C12orf42: variants seen among roughly 807,000 people sequenced by gnomAD.
C12orf42 encodes chromosome 12 open reading frame 42.
C12orf42 carries 25 observed loss-of-function variants against 21.6 expected under a neutral mutation model. That is an observed-to-expected ratio of 1.16 (90% CI 0.84 to 1.62). The LOEUF (loss-of-function observed/expected upper bound fraction) is 1.62, where lower values mean the gene tolerates loss of function less well. Ranked by LOEUF, C12orf42 falls within the 40% of genes most tolerant of loss-of-function variation. The probability of loss-of-function intolerance (pLI) is 0.00; values close to 1 mark genes in which losing one functional copy is unlikely to be tolerated. For missense variants in C12orf42, 483 were observed against 459.3 expected (o/e 1.05, Z -0.47); for synonymous variants, 174 against 175.0 (o/e 0.99, Z 0.05).
chr12:103,204,650 T>C, the C12orf42 span, among the ~76,000 whole-genome samples: 1 of 152,192 alleles, frequency 6.6e-6, no homozygotes, highest in Non-Finnish European at 1.5e-5. Flanking sequence ...CAAGATATCG[T>C]CTCATCACAC....
chr12:103,293,102 C>CT (rs140760329), intron 4 of C12orf42, among the ~76,000 whole-genome samples: 13,749 of 151,966 alleles, frequency 0.09, 613 homozygotes, highest in East Asian at 0.18. Flanking sequence ...AAAGAGATGC[C>CT]TTTTTTGACT....
chr12:103,080,426 T>C, the C12orf42 span, among the ~76,000 whole-genome samples: 1 of 152,202 alleles, frequency 6.6e-6, no homozygotes, highest in Non-Finnish European at 1.5e-5. Context: ...CATCAACTTC[T>C]GTTGCTTACA....
chr12:103,372,532 G>A (rs778179618), intron 3 of C12orf42, among the ~76,000 whole-genome samples: 5 of 152,138 alleles, frequency 3.3e-5, no homozygotes, highest in Non-Finnish European at 5.9e-5. Context: ...TGTTAGTTAT[G>A]AAGATTCTCT....
At chr12:103,438,802 G>T (rs1950955055) in intron 2 of C12orf42, among the ~76,000 whole-genome samples, 1 of 151,492 alleles carries the variant, frequency 6.6e-6, no homozygotes, top group Non-Finnish European at 1.5e-5. Context: ...TGGGTAGGAA[G>T]AATCAATATC....
intron 3 of C12orf42, among the ~76,000 whole-genome samples, chr12:103,397,130 A>T (rs2047602848): frequency 6.6e-6 from 1 of 152,218 alleles, no homozygotes; most frequent in Admixed American, 6.5e-5. Context: ...CTATAACTTG[A>T]TACTTTCATT....
At chr12:103,363,766 TA>T (rs2044331061) in intron 4 of C12orf42, among the ~76,000 whole-genome samples, 1 of 152,024 alleles carries the variant, frequency 6.6e-6, no homozygotes, top group African/African-American at 2.4e-5. Flanking sequence ...TATGTAATAA[TA>T]AAAGGTCTTA....
the C12orf42 span, among the ~76,000 whole-genome samples, chr12:103,119,256 AAGG>A: frequency 4.6e-5 from 7 of 152,342 alleles, no homozygotes; most frequent in South Asian, 1.4e-3. Context: ...CTGTTATTAA[AAGG>A]AGGTTAATAA....
At position 103,478,349 on chromosome 12, in the gene C12orf42, C is replaced by G. The variant is rs1277731755; in HGVS notation, c.78G>C (p.Gln26His). 6.3e-7 allele frequency: 1 copy of G among 1,591,490 alleles called. No individual in the cohort carries two copies. Among genetic ancestry groups the G allele is most frequent in the Non-Finnish European group, 8.6e-7 (1 of 1,163,710 alleles). The change falls in exon 2 of 6, where the codon CAG becomes CAC. Residue 26 changes from glutamine to histidine, a missense_variant and splice_region_variant. Transcript: ENST00000548883. ...LTIRPFANRMQKSPCYIPIVS... is the reference protein window; with the variant it reads ...LTIRPFANRMHKSPCYIPIVS... ...AAATATAGTATCTCTTATGCATTAC[C>G]TGCATCCTGTTTGCAAAAGGTCTGA... is the stretch of plus-strand genomic sequence containing the variant.
At chr12:103,105,416 T>C in the C12orf42 span, among the ~76,000 whole-genome samples, 5 of 151,948 alleles carry the variant, frequency 3.3e-5, no homozygotes, top group African/African-American at 1.2e-4. Flanking sequence ...AACCAAATAC[T>C]CCATGATCTC....
chr12:103,168,062 A>G, the C12orf42 span: 1 of 455,976 alleles, frequency 2.2e-6, no homozygotes, highest in South Asian at 1.5e-5. Flanking sequence ...GAGAAACAAG[A>G]AATGATTACA....
At chr12:103,151,736 A>T in the C12orf42 span, 1 of 152,256 alleles carries the variant, frequency 6.6e-6, no homozygotes, top group African/African-American at 2.4e-5. Context: ...CTAGTTATAG[A>T]TACATTAGTT....
intron 4 of C12orf42, among the ~76,000 whole-genome samples, chr12:103,320,239 C>T (rs181686091): frequency 6.6e-6 from 1 of 152,228 alleles, no homozygotes; most frequent in Non-Finnish European, 1.5e-5. Context: ...AGGAATATAC[C>T]TCAAGGCCAC....
the C12orf42 span, among the ~76,000 whole-genome samples, chr12:103,508,812 G>T: frequency 6.6e-6 from 1 of 152,176 alleles, no homozygotes; most frequent in Non-Finnish European, 1.5e-5. Context: ...CTGTGACCTT[G>T]TGCAAATTAT....
chr12:103,234,143 C>T (rs907229674), downstream of C12orf42, among the ~76,000 whole-genome samples: 2 of 152,160 alleles, frequency 1.3e-5, no homozygotes, highest in Non-Finnish European at 2.9e-5. Context: ...CTTGGCATCC[C>T]TGGGATAAAT....
the C12orf42 span, among the ~76,000 whole-genome samples, chr12:103,109,406 T>G: frequency 2.0e-5 from 3 of 152,124 alleles, no homozygotes; most frequent in Non-Finnish European, 4.4e-5. Flanking sequence ...TGGTATATGA[T>G]GAAGGTAACA....
chr12:103,366,444 A>G (rs899065733), intron 4 of C12orf42, among the ~76,000 whole-genome samples: 8 of 152,120 alleles, frequency 5.3e-5, no homozygotes, highest in Admixed American at 5.2e-4. Context: ...CAAATGCAAT[A>G]AAAACAAAGA....
the C12orf42 span, among the ~76,000 whole-genome samples, chr12:103,129,373 C>T: frequency 1.3e-5 from 2 of 152,002 alleles, no homozygotes; most frequent in African/African-American, 2.4e-5. Context: ...CTGGAACTTG[C>T]CCAGAGCTGA....
At chr12:103,299,998 G>C (rs893439459), downstream of C12orf42, among the ~76,000 whole-genome samples, 1 of 152,150 alleles carries the variant, frequency 6.6e-6, no homozygotes, top group Non-Finnish European at 1.5e-5. Context: ...GAAGAAAAGG[G>C]TCTCAAAGTG....
chr12:103,495,758 G>C lies in C12orf42; in HGVS notation c.-22+144C>G, dbSNP rs1459853431. 12 of 152,450 alleles carry C rather than the reference G, an allele frequency of 7.9e-5. No individual in the cohort carries two copies. The East Asian group carries it at 1.9e-3, about 25-fold the overall frequency. 9.4% of individuals were successfully genotyped at this position (152,450 alleles called of 1,614,324 possible). ...GCCGGCGACCACCGCGACGGGTTCC[G>C]CCGCTTGCCTCCGCTCCTTGGCCTT... On this transcript the variant is annotated intron_variant, in intron 1 of 5. Transcript: ENST00000548883.
Sources: allele counts gnomAD v4.1 joint callset (sites outside exome capture counted in the v4.1 genomes callset), GRCh38; gene constraint gnomAD v4.1.1; transcripts MANE v1.5; gene names NCBI Gene and HGNC (gene_info 2026-07-23, HGNC 2026-07-21).